The following NRXN3 variants were observed in gnomAD, a reference collection of about 807,000 sequenced individuals.
NRXN3 encodes the protein neurexin III.
A neutral mutation model predicts 137.6 loss-of-function variants in NRXN3; 32 were observed. The observed-to-expected ratio is 0.23, with a 90% CI of 0.18 to 0.31. NRXN3 has a LOEUF of 0.31. Among genes scored for constraint, NRXN3 ranks in the 10% least tolerant of loss-of-function variants. The pLI is 1.00. For synonymous variants in NRXN3, 798 were observed against 784.5 expected, an observed-to-expected ratio of 1.02 and a Z score of -0.29; for missense variants, 1,574 against 2,062.5, an observed-to-expected ratio of 0.76 and a Z score of 4.59.
chr14:78,836,449 C>A (rs2098997272), intron 10 of NRXN3, among the ~76,000 whole-genome samples: 1 of 152,154 alleles, frequency 6.6e-6, no homozygotes, highest in South Asian at 2.1e-4. Flanking sequence ...GTGTAGTTTC[C>A]TCAGCTCCAT....
chr14:79,569,017 G>A (rs1409065217), intron 16 of NRXN3, among the ~76,000 whole-genome samples: 6 of 151,772 alleles, frequency 4.0e-5, no homozygotes, highest in Non-Finnish European at 7.4e-5. Flanking sequence ...ATGTGATTGC[G>A]GCTCTTAGAC....
At chr14:78,255,212 G>A (rs1435045291) in intron 2 of NRXN3, among the ~76,000 whole-genome samples, 1 of 151,318 alleles carries the variant, frequency 6.6e-6, no homozygotes, top group East Asian at 1.9e-4. Context: ...TCATTTTGTG[G>A]TTTAAAATAG....
intron 17 of NRXN3, among the ~76,000 whole-genome samples, chr14:79,667,586 G>C (rs1041647653): frequency 1.3e-5 from 2 of 152,032 alleles, no homozygotes; most frequent in Admixed American, 6.6e-5. Context: ...AATGAAAATA[G>C]TTCTATAGCA....
chr14:79,701,534 C>CTT (rs1262059726), intron 19 of NRXN3, among the ~76,000 whole-genome samples: 1 of 152,024 alleles, frequency 6.6e-6, no homozygotes, highest in Non-Finnish European at 1.5e-5. Context: ...TGGGATTCTC[C>CTT]TTGTGGTTTC....
At chr14:79,445,502 G>A (rs2096048644) in intron 15 of NRXN3, among the ~76,000 whole-genome samples, 3 of 152,180 alleles carry the variant, frequency 2.0e-5, no homozygotes, top group Non-Finnish European at 4.4e-5. Flanking sequence ...GGAGATTGAA[G>A]AGATGAGGCA....
At chr14:79,631,383 C>T (rs1481456406) in intron 16 of NRXN3, among the ~76,000 whole-genome samples, 2 of 152,262 alleles carry the variant, frequency 1.3e-5, no homozygotes, top group African/African-American at 2.4e-5. Context: ...CTTCAGTCCG[C>T]CGCGGCGCTG....
chr14:79,281,503 C>T (rs1598265447), intron 15 of NRXN3, among the ~76,000 whole-genome samples: 1 of 152,222 alleles, frequency 6.6e-6, no homozygotes, highest in Admixed American at 6.5e-5. Context: ...AATTTGTTTA[C>T]TATGCACTCC....
chr14:78,497,582 T>TCATCCATC (rs3036594), intron 4 of NRXN3, among the ~76,000 whole-genome samples: 362 of 150,910 alleles, frequency 2.4e-3, no homozygotes, highest in South Asian at 7.0e-3. Context: ...GTCTGTCCAT[T>TCATCCATC]CATCCATCCA....
At chr14:78,549,108 G>A (rs1415285984) in intron 4 of NRXN3, among the ~76,000 whole-genome samples, 2 of 152,096 alleles carry the variant, frequency 1.3e-5, no homozygotes, top group Admixed American at 6.5e-5. Context: ...TCATGTTGTT[G>A]TTTTGGGATG....
chr14:78,516,385 C>A (rs555851597), intron 4 of NRXN3, among the ~76,000 whole-genome samples: 2 of 84,166 alleles, frequency 2.4e-5, no homozygotes, highest in South Asian at 8.1e-4. Context: ...CTAGGCTGAG[C>A]AGCAGAGGAG....
In NRXN3 at chr14:79,597,582, T is replaced by C. The variant is rs535870870; in HGVS notation, c.3445-66196T>C. Among the ~76,000 whole-genome samples, 3 of 152,244 alleles carry C rather than the reference T, an allele frequency of 2.0e-5. No homozygotes were observed. In the East Asian group the frequency reaches 5.8e-4, roughly 29 times the overall value. ...TATGTCTTATGTCCCATTTGTAATA[T>C]TATTATTGTTGTTACCATACGCAAA... On this transcript the variant is annotated intron_variant, in intron 16 of 20. Coordinates refer to ENST00000335750, the MANE Select transcript of NRXN3 (RefSeq NM_001330195.2).
chr14:78,492,770 T>C (rs2153750673), intron 4 of NRXN3, among the ~76,000 whole-genome samples: 2 of 152,322 alleles, frequency 1.3e-5, no homozygotes, highest in South Asian at 4.1e-4. Context: ...TAGTCTGTCT[T>C]TTATCCTTCA....
At chr14:79,404,241 C>A (rs1363473249) in intron 15 of NRXN3, among the ~76,000 whole-genome samples, 1 of 152,180 alleles carries the variant, frequency 6.6e-6, no homozygotes, top group African/African-American at 2.4e-5. Flanking sequence ...CTATAAGGAA[C>A]TTCAACAAAT....
At chr14:78,582,338 G>A (rs2097009362) in intron 4 of NRXN3, among the ~76,000 whole-genome samples, 1 of 152,230 alleles carries the variant, frequency 6.6e-6, no homozygotes, top group Admixed American at 6.5e-5. Flanking sequence ...GAGAGAAGCA[G>A]CCATGCTGAT....
chr14:79,411,419 T>C (rs1599882276), intron 15 of NRXN3, among the ~76,000 whole-genome samples: 1 of 152,132 alleles, frequency 6.6e-6, no homozygotes, highest in African/African-American at 2.4e-5. Flanking sequence ...TATTTATCAT[T>C]GTATTTTTGC....
At chr14:79,041,469 C>T (rs953647217) in intron 15 of NRXN3, among the ~76,000 whole-genome samples, 2 of 152,098 alleles carry the variant, frequency 1.3e-5, no homozygotes, top group African/African-American at 4.8e-5. Flanking sequence ...TAATTTTGTT[C>T]GTAAAGTGCT....
intron 8 of NRXN3, among the ~76,000 whole-genome samples, chr14:78,801,715 C>T (rs2098839568): frequency 6.6e-6 from 1 of 152,098 alleles, no homozygotes; most frequent in African/African-American, 2.4e-5. Context: ...GAGCATCCTC[C>T]TTCTTTCTTT....
intron 4 of NRXN3, among the ~76,000 whole-genome samples, chr14:78,620,325 A>G (rs370711842): frequency 2.6e-5 from 4 of 152,226 alleles, no homozygotes; most frequent in South Asian, 2.1e-4. Context: ...GGATAGCGCA[A>G]TCCTTAGCTG....
chr14:78,501,695 G>A (rs887963049), intron 4 of NRXN3, among the ~76,000 whole-genome samples: 1 of 152,084 alleles, frequency 6.6e-6, no homozygotes, highest in South Asian at 2.1e-4. Context: ...CTGATATGGA[G>A]ACTCTTAAGG....
Sources: allele counts gnomAD v4.1 joint callset (sites outside exome capture counted in the v4.1 genomes callset), GRCh38; gene constraint gnomAD v4.1.1; transcripts MANE v1.5; gene names NCBI Gene and HGNC (gene_info 2026-07-23, HGNC 2026-07-21).